INPP4B: variants seen among roughly 807,000 people sequenced by gnomAD.
The protein encoded by INPP4B is inositol polyphosphate 4-phosphatase type II.
Under a neutral mutation model 122.5 loss-of-function variants are expected in INPP4B, and 55 were observed. The observed-to-expected ratio is 0.45, with a 90% CI of 0.36 to 0.56. The LOEUF (loss-of-function observed/expected upper bound fraction) is 0.56. Ranked by LOEUF, INPP4B falls within the 20% of genes least tolerant of loss-of-function variation. The pLI, the probability that INPP4B is intolerant of heterozygous loss-of-function variation, is 0.00. For missense variants in INPP4B, 1,000 were observed against 1,097.7 expected (o/e 0.91, Z 1.26); for synonymous variants, 403 against 388.7 (o/e 1.04, Z -0.43).
intron 7 of INPP4B, among the ~76,000 whole-genome samples, chr4:142,355,702 G>T (rs1783357967): frequency 6.6e-6 from 1 of 151,896 alleles, no homozygotes; most frequent in South Asian, 2.1e-4. Flanking sequence ...CAACACAAAG[G>T]ATATTCAAAA....
chr4:142,825,445 T>G (rs530652219), intron 1 of INPP4B, among the ~76,000 whole-genome samples: 31 of 152,268 alleles, frequency 2.0e-4, no homozygotes, highest in African/African-American at 7.0e-4. Flanking sequence ...AGTCAACATA[T>G]ATGTGCACAG....
At chr4:142,785,558 G>T (rs1418038794) in intron 1 of INPP4B, among the ~76,000 whole-genome samples, 2 of 152,000 alleles carry the variant, frequency 1.3e-5, no homozygotes, top group Non-Finnish European at 2.9e-5. Flanking sequence ...TTGATGGCCT[G>T]TAAGTAGACT....
intron 2 of INPP4B, among the ~76,000 whole-genome samples, chr4:142,523,296 G>T (rs754402155): frequency 2.3e-4 from 35 of 152,088 alleles, no homozygotes; most frequent in South Asian, 1.0e-3. Flanking sequence ...GCATACTCAG[G>T]TTTGAGAATG....
Position 142,397,610 on chromosome 4 carries a change from C to T in INPP4B, c.372+5328G>A, listed in dbSNP as rs1372405420. ...ATCCCAGCACTTTGGGAGGCCGAAG[C>T]GGACGGATCACGAGGTCAGGAGATG... On this transcript the variant is annotated intron_variant, in intron 7 of 25. Transcript: ENST00000262992. Among the ~76,000 whole-genome samples, 4 of 152,102 alleles carry T rather than the reference C, an allele frequency of 2.6e-5. No individual in the cohort carries two copies. The East Asian group carries it at 7.8e-4, about 30-fold the overall frequency.
chr4:142,509,684 AGATGGATTAAAGACTTAAATAT>A (rs1824468404), intron 2 of INPP4B, among the ~76,000 whole-genome samples: 2 of 152,210 alleles, frequency 1.3e-5, no homozygotes, highest in Non-Finnish European at 2.9e-5. Context: ...AGTTAACTAA[AGATGGATTAAAGACTTAAATAT>A]GATGGATTAA....
intron 17 of INPP4B, among the ~76,000 whole-genome samples, chr4:142,146,813 C>T (rs1238425031): frequency 6.6e-6 from 1 of 152,148 alleles, no homozygotes; most frequent in Non-Finnish European, 1.5e-5. Flanking sequence ...ACTAGAGCTA[C>T]ATAATAAGTC....
At chr4:142,591,765 A>C (rs1442523971) in intron 2 of INPP4B, among the ~76,000 whole-genome samples, 1 of 152,196 alleles carries the variant, frequency 6.6e-6, no homozygotes, top group Non-Finnish European at 1.5e-5. Flanking sequence ...TCCTCCTCAA[A>C]AACATGTAAC....
chr4:142,208,927 T>G lies in INPP4B; in HGVS notation c.936A>C (p.Gln312His). The G allele has an allele frequency of 6.3e-7, 1 of 1,593,948 alleles. No homozygotes were observed. Among genetic ancestry groups the G allele is most frequent in the Non-Finnish European group, 8.6e-7 (1 of 1,167,834 alleles). ...CCTTGCTAAGTTCTGTCAGAATGTC[T>G]TGGTACATATTCACCATTTGATCAC... ...THCDQMVNMYQDILTELSKET... is the reference protein window; with the variant it reads ...THCDQMVNMYHDILTELSKET... The change falls in exon 13 of 26, where the codon CAA (glutamine) becomes CAC (histidine). Residue 312 changes from glutamine (Q) to histidine (H), a missense_variant. Transcript: ENST00000262992.
Position 142,684,254 on chromosome 4 carries a change from G to A in INPP4B, c.-191+41585C>T, listed in dbSNP as rs145301089. Among the ~76,000 whole-genome samples, 418 of 152,074 alleles carry A rather than the reference G, an allele frequency of 2.7e-3. 2 individuals carry two copies. The highest frequency in any genetic ancestry group is 9.5e-3 in the African/African-American group (395 of 41,516). On this transcript the variant is annotated intron_variant, in intron 2 of 25. Transcript: ENST00000262992. ...AGATATTTAGTGGGTTTTATGAAACGATACAAAATGAGACATCCTTAGAAC... is the reference window on the plus strand; with the variant it reads ...AGATATTTAGTGGGTTTTATGAAACAATACAAAATGAGACATCCTTAGAAC...
chr4:142,491,693 A>AT, intron 2 of INPP4B, among the ~76,000 whole-genome samples: 1 of 152,188 alleles, frequency 6.6e-6, no homozygotes, highest in East Asian at 1.9e-4. Flanking sequence ...GTGAATATAT[A>AT]TTTTTTAAAA....
At chr4:142,776,555 C>CCA (rs1477479520) in intron 1 of INPP4B, among the ~76,000 whole-genome samples, 9 of 152,138 alleles carry the variant, frequency 5.9e-5, no homozygotes, top group Admixed American at 3.3e-4. Flanking sequence ...ATAGAATATT[C>CCA]CAGATATATG....
intron 11 of INPP4B, among the ~76,000 whole-genome samples, chr4:142,240,617 T>C (rs184249235): frequency 6.6e-6 from 1 of 152,282 alleles, no homozygotes; most frequent in African/African-American, 2.4e-5. Context: ...TTGAGACTCA[T>C]ACTCCAAACA....
intron 2 of INPP4B, among the ~76,000 whole-genome samples, chr4:142,702,843 C>G (rs916921156): frequency 6.6e-6 from 1 of 151,162 alleles, no homozygotes; most frequent in Non-Finnish European, 1.5e-5. Flanking sequence ...AATTTGGTTG[C>G]ATAGCATTAG....
chr4:142,558,802 A>AAAC (rs1729810560), intron 2 of INPP4B, among the ~76,000 whole-genome samples: 1 of 85,594 alleles, frequency 1.2e-5, no homozygotes, highest in African/African-American at 4.8e-5. Context: ...CTAAAAAAAA[A>AAAC]AAAAAAAAAA....
chr4:142,098,273 A>G lies in INPP4B; in HGVS notation c.2374+9820T>C, dbSNP rs1373809986. On this transcript the variant is annotated intron_variant, in intron 23 of 25. Transcript: ENST00000262992. ...GAAAGCGGTGGAGAAGGATCAAAGG[A>G]TCAAAGGGGTTGACTGTATGGTGCC... 4.6e-5 allele frequency among the ~76,000 whole-genome samples: 7 copies of G among 152,058 alleles called. No homozygotes were observed. The East Asian group carries it at 9.6e-4, about 21-fold the overall frequency.
At chr4:142,260,439 A>T in intron 11 of INPP4B, 53 bp downstream of exon 11, 2 of 1,115,448 alleles carry the variant, frequency 1.8e-6, no homozygotes, top group Admixed American at 3.7e-5. Context: ...ATTTTACATA[A>T]AATTAAAATT....
At chr4:142,243,417 G>A (rs563732057) in intron 11 of INPP4B, among the ~76,000 whole-genome samples, 1 of 152,240 alleles carries the variant, frequency 6.6e-6, no homozygotes, top group East Asian at 1.9e-4. Flanking sequence ...GAAAACATAT[G>A]GAAATTTCAA....
intron 16 of INPP4B, among the ~76,000 whole-genome samples, chr4:142,170,085 A>C (rs113403340): frequency 1.3e-3 from 190 of 151,636 alleles, no homozygotes; most frequent in Non-Finnish European, 2.6e-3. Context: ...TTTTAGTCTG[A>C]GAAAAAAGGA....
At chr4:142,242,020 T>A (rs1243165480) in intron 11 of INPP4B, among the ~76,000 whole-genome samples, 1 of 152,212 alleles carries the variant, frequency 6.6e-6, no homozygotes, top group Non-Finnish European at 1.5e-5. Context: ...AATCTATTCA[T>A]TCCATAGTTT....
Sources: allele counts gnomAD v4.1 joint callset (sites outside exome capture counted in the v4.1 genomes callset), GRCh38; gene constraint gnomAD v4.1.1; transcripts MANE v1.5; gene names NCBI Gene and HGNC (gene_info 2026-07-23, HGNC 2026-07-21).